The following IQSEC1 variants were observed in gnomAD, a reference collection of about 807,000 sequenced individuals.
IQSEC1 encodes the protein IQ motif and SEC7 domain-containing protein 1.
IQSEC1 carries 31 observed loss-of-function variants against 91.0 expected under a neutral mutation model. The observed-to-expected ratio is 0.34, with a 90% CI of 0.26 to 0.46. The LOEUF (loss-of-function observed/expected upper bound fraction) is 0.46, where lower values mean the gene tolerates loss of function less well. Ranked by LOEUF, IQSEC1 falls within the 20% of genes least tolerant of loss-of-function variation. IQSEC1 has a pLI of 1.00. For synonymous variants in IQSEC1, 699 were observed against 662.6 expected (o/e 1.05, Z -0.84); for missense variants, 1,388 against 1,575.6 (o/e 0.88, Z 2.02).
At chr3:13,015,282 G>T (rs1703068993) in intron 1 of IQSEC1, among the ~76,000 whole-genome samples, 1 of 152,142 alleles carries the variant, frequency 6.6e-6, no homozygotes, top group Non-Finnish European at 1.5e-5. Flanking sequence ...GTGGGCTGCG[G>T]GGCCCTGGTT....
intron 1 of IQSEC1, among the ~76,000 whole-genome samples, chr3:13,044,993 G>C (rs1163942110): frequency 6.6e-6 from 1 of 152,248 alleles, no homozygotes; most frequent in African/African-American, 2.4e-5. Flanking sequence ...TCTGTGAAAG[G>C]GGAACATTGA....
intron 1 of IQSEC1, 110 bp from the exon 2 acceptor site, chr3:12,941,975 T>C: frequency 9.8e-7 from 1 of 1,018,992 alleles, no homozygotes; most frequent in Non-Finnish European, 1.4e-6. Flanking sequence ...CCATGCCCGT[T>C]CTTCTCACAC....
chr3:12,976,323 G>A (rs930315580), intron 1 of IQSEC1, among the ~76,000 whole-genome samples: 3 of 152,244 alleles, frequency 2.0e-5, no homozygotes, highest in African/African-American at 7.2e-5. Flanking sequence ...ACAAGCCCAG[G>A]TGGGGTCACA....
chr3:13,002,773 A>AT (rs1308690605), intron 1 of IQSEC1, among the ~76,000 whole-genome samples: 1 of 152,256 alleles, frequency 6.6e-6, no homozygotes, highest in Non-Finnish European at 1.5e-5. Flanking sequence ...CAAAACCACA[A>AT]TGAGATATGA....
intron 1 of IQSEC1, among the ~76,000 whole-genome samples, chr3:13,236,256 C>G (rs1270478486): frequency 6.6e-6 from 1 of 152,154 alleles, no homozygotes; most frequent in Non-Finnish European, 1.5e-5. Context: ...CCTCCAAGGC[C>G]AATGTCAGCC....
At chr3:13,127,554 G>C (rs190663085) in intron 2 of IQSEC1, among the ~76,000 whole-genome samples, 1 of 149,648 alleles carries the variant, frequency 6.7e-6, no homozygotes, top group Admixed American at 6.6e-5. Flanking sequence ...ACATCAGGTA[G>C]AGTGAGTCCT....
At position 12,900,202 on chromosome 3, in the gene IQSEC1, G is replaced by C; in HGVS notation, c.*781C>G. On this transcript the variant is annotated 3_prime_UTR_variant, in exon 14 of 14. Coordinates refer to ENST00000613206, the MANE Select transcript of IQSEC1 (RefSeq NM_001134382.3). ...AAAGCAATACTGGACTTTTTAAACAGTTAGATGCTATGTTACTTGGCACAG... is the reference window on the plus strand; with the variant it reads ...AAAGCAATACTGGACTTTTTAAACACTTAGATGCTATGTTACTTGGCACAG... The C allele has an allele frequency of 1.0e-6, 1 of 979,466 alleles. No homozygotes were observed. The highest frequency in any genetic ancestry group is 1.2e-6 in the Non-Finnish European group (1 of 824,608). 60.7% of individuals were successfully genotyped at this position (979,466 alleles called of 1,614,324 possible). A position where few individuals can be genotyped will look rare whatever the true frequency, so the allele number is the denominator to read the frequency against.
intron 1 of IQSEC1, among the ~76,000 whole-genome samples, chr3:13,264,674 A>C (rs1171135228): frequency 1.3e-5 from 2 of 152,090 alleles, no homozygotes; most frequent in African/African-American, 2.4e-5. Flanking sequence ...AAGCAAGTGA[A>C]TGGGTGAACG....
At chr3:13,232,668 G>A (rs188576833) in intron 1 of IQSEC1, among the ~76,000 whole-genome samples, 72 of 152,222 alleles carry the variant, frequency 4.7e-4, no homozygotes, top group African/African-American at 1.7e-3. Flanking sequence ...CAGCCTCATG[G>A]GCTACACAGA....
At chr3:13,198,312 C>T (rs538492874) in intron 1 of IQSEC1, among the ~76,000 whole-genome samples, 3 of 152,150 alleles carry the variant, frequency 2.0e-5, no homozygotes, top group Non-Finnish European at 2.9e-5. Context: ...CATGTAAACA[C>T]AAAATATTTA....
At chr3:13,258,042 T>C (rs1186586588) in intron 1 of IQSEC1, among the ~76,000 whole-genome samples, 2 of 152,100 alleles carry the variant, frequency 1.3e-5, no homozygotes, top group African/African-American at 2.4e-5. Flanking sequence ...TCAATGCATA[T>C]GACTAAGTGA....
At chr3:13,046,961 T>G (rs188503341) in intron 1 of IQSEC1, among the ~76,000 whole-genome samples, 60 of 152,356 alleles carry the variant, frequency 3.9e-4, no homozygotes, top group Middle Eastern at 3.4e-3. Flanking sequence ...CAGTATTTTT[T>G]TGTGTGTGTG....
intron 2 of IQSEC1, among the ~76,000 whole-genome samples, chr3:13,161,192 G>A (rs1369643367): frequency 6.6e-6 from 1 of 152,216 alleles, no homozygotes; most frequent in Non-Finnish European, 1.5e-5. Context: ...GGGAGCTGGA[G>A]GTGCGCATGG....
At chr3:13,066,409 C>T (rs781780652) in intron 1 of IQSEC1, among the ~76,000 whole-genome samples, 5 of 152,216 alleles carry the variant, frequency 3.3e-5, no homozygotes, top group African/African-American at 4.8e-5. Flanking sequence ...TCTGTCACAG[C>T]GAGGACTCGC....
chr3:13,043,783 G>A (rs1704379921), intron 1 of IQSEC1, among the ~76,000 whole-genome samples: 3 of 152,222 alleles, frequency 2.0e-5, no homozygotes, highest in Admixed American at 6.5e-5. Context: ...GGCTCTCAGA[G>A]GCACCACACT....
intron 2 of IQSEC1, among the ~76,000 whole-genome samples, chr3:13,128,999 A>G (rs1706563969): frequency 6.6e-6 from 1 of 152,116 alleles, no homozygotes; most frequent in African/African-American, 2.4e-5. Context: ...GACATCATAG[A>G]ATGAGTTGGG....
intron 1 of IQSEC1, among the ~76,000 whole-genome samples, chr3:13,010,578 G>C (rs933637569): frequency 2.6e-5 from 4 of 152,168 alleles, no homozygotes; most frequent in African/African-American, 9.7e-5. Flanking sequence ...CGGCGTCTGG[G>C]GTCATGGTTT....
chr3:13,208,118 T>A (rs1251749341), intron 1 of IQSEC1, among the ~76,000 whole-genome samples: 2 of 150,420 alleles, frequency 1.3e-5, no homozygotes, highest in African/African-American at 2.5e-5. Flanking sequence ...CTTGGGTGGG[T>A]GGGTGGCCAG....
chr3:13,102,864 C>T (rs767898669), intron 2 of IQSEC1, among the ~76,000 whole-genome samples: 7 of 152,220 alleles, frequency 4.6e-5, no homozygotes, highest in African/African-American at 1.4e-4. Context: ...GTGCCTGCCA[C>T]GGCCCACATA....
Sources: allele counts gnomAD v4.1 joint callset (sites outside exome capture counted in the v4.1 genomes callset), GRCh38; gene constraint gnomAD v4.1.1; transcripts MANE v1.5; gene names NCBI Gene and HGNC (gene_info 2026-07-23, HGNC 2026-07-21).